MGST3: variants seen among roughly 807,000 people sequenced by gnomAD.
MGST3 encodes the protein microsomal glutathione S-transferase 3.
MGST3 carries 13 observed loss-of-function variants against 15.8 expected under a neutral mutation model. The ratio of observed to expected loss-of-function variants is 0.82; its 90% CI spans 0.54 to 1.31. The LOEUF (loss-of-function observed/expected upper bound fraction) is 1.31, where lower values mean the gene tolerates loss of function less well. Ranked by LOEUF, MGST3 falls within the 50% of genes most tolerant of loss-of-function variation. The pLI is 0.00. For missense variants in MGST3, 155 were observed against 192.4 expected (o/e 0.81, Z 1.15); for synonymous variants, 49 against 68.1 (o/e 0.72, Z 1.38).
rs1031389562 is a variant in MGST3 at position 165,655,499 on chromosome 1, C to G, written c.454C>G (p.His152Asp). Residue 152 changes from histidine to aspartate, a missense_variant, in exon 6 of 6, where the codon CAT (histidine) becomes GAT (aspartate). His to Asp is a moderately conservative substitution (Grantham distance 81). Coordinates refer to ENST00000367889, the MANE Select transcript of MGST3 (RefSeq NM_004528.4). ...CTTGGGCAGTGGACCCAAATGCTGC[C>G]ATTAAAGAATTATAGGGGTTTAAAA... Reference protein sequence around the residue: ...SGLGSGPKCCH With the variant: ...SGLGSGPKCCD The G allele has an allele frequency of 1.9e-6, 3 of 1,614,058 alleles. No homozygotes were observed. Among genetic ancestry groups the G allele is most frequent in the Non-Finnish European group, 2.5e-6 (3 of 1,179,998 alleles).
At chr1:165,644,578 CACTGTAT>C (rs1648344895) in intron 1 of MGST3, among the ~76,000 whole-genome samples, 1 of 152,174 alleles carries the variant, frequency 6.6e-6, no homozygotes, top group South Asian at 2.1e-4. Context: ...ACCTTACGTA[CACTGTAT>C]ACTTAGGCTA....
intron 1 of MGST3, chr1:165,637,256 A>G (rs747168230): frequency 1.6e-4 from 24 of 152,380 alleles, no homozygotes; most frequent in Non-Finnish European, 3.4e-4. Flanking sequence ...AATATCATAC[A>G]CAGAAGTAGG....
chr1:165,653,942 C>T, intron 4 of MGST3: 1 of 365,680 alleles, frequency 2.7e-6, no homozygotes, highest in Non-Finnish European at 5.2e-6. Flanking sequence ...TCTGGCCTGC[C>T]CTGAGACCGG....
At chr1:165,642,791 T>TA (rs1326856938) in intron 1 of MGST3, among the ~76,000 whole-genome samples, 1 of 152,210 alleles carries the variant, frequency 6.6e-6, no homozygotes, top group African/African-American at 2.4e-5. Flanking sequence ...AACTAGGAAA[T>TA]ATGAGAACCA....
chr1:165,655,443 C>G lies in MGST3; in HGVS notation c.398C>G (p.Ala133Gly), dbSNP rs1648681506. The G allele has an allele frequency of 1.9e-6, 3 of 1,614,164 alleles. No individual in the cohort carries two copies. The highest frequency in any genetic ancestry group is 1.3e-5 in the African/African-American group (1 of 75,030). ...LGLVGTTVCS[A>G]FQHLGWVKSG... is the part of the protein sequence containing the mutation. ...TTGGTGGGCACAACTGTGTGCTCTG[C>G]TTTCCAGCATCTTGGTTGGGTTAAA... The change falls in exon 6 of 6, where the codon GCT becomes GGT. Residue 133 changes from alanine (A) to glycine (G), a missense_variant. Physicochemically the swap from Ala to Gly is moderately conservative, Grantham distance 60. Transcript: ENST00000367889.
intron 1 of MGST3, among the ~76,000 whole-genome samples, chr1:165,639,926 A>G (rs1349190011): frequency 6.6e-6 from 1 of 152,228 alleles, no homozygotes; most frequent in East Asian, 1.9e-4. Flanking sequence ...TTCCATGAGA[A>G]GTTGGCTGGA....
rs9333370 is a variant in MGST3 at position 165,631,255 on chromosome 1, G to C, written c.-46G>C. 1 of 152,726 alleles carries C rather than the reference G, an allele frequency of 6.5e-6. No individual in the cohort carries two copies. Among genetic ancestry groups the C allele is most frequent in the Admixed American group, 6.5e-5 (1 of 15,292 alleles). The allele number at this position is 152,726 out of a possible 1,614,324, so 9.5% of individuals were successfully genotyped here. A position where few individuals can be genotyped will look rare whatever the true frequency, so the allele number is the denominator to read the frequency against. ...GGGCGCCGCACCCACACCGCGCTGC[G>C]CAGTTTTGTTCTGCTCCAGCTGTTC... On this transcript the variant is annotated 5_prime_UTR_variant, in exon 1 of 6. Coordinates refer to ENST00000367889, the MANE Select transcript of MGST3 (RefSeq NM_004528.4).
intron 1 of MGST3, among the ~76,000 whole-genome samples, chr1:165,633,606 AC>A (rs772270304): frequency 6.6e-5 from 10 of 152,100 alleles, no homozygotes; most frequent in Non-Finnish European, 7.3e-5. Context: ...AAAAGGTCGA[AC>A]CCCTGTTTCA....
Position 165,650,925 on chromosome 1 carries a change from T to C in MGST3, c.118-89T>C, listed in dbSNP as rs9333474. 1.2e-3 allele frequency: 1,304 copies of C among 1,100,924 alleles called. 9 individuals are homozygous for C. In the African/African-American group the frequency reaches 0.018, roughly 15 times the overall value. 68.2% of individuals were successfully genotyped at this position (1,100,924 alleles called of 1,614,324 possible). On this transcript the variant is annotated intron_variant, in intron 2 of 5. Coordinates refer to ENST00000367889, the MANE Select transcript of MGST3 (RefSeq NM_004528.4). ...ATCAAGGGTGTGAAAGAAGATACTT[T>C]GGAATATATTGTTTTTAAGGTTCAT...
At chr1:165,648,549 T>C (rs61800393) in intron 1 of MGST3, 1,743 of 152,336 alleles carry the variant, frequency 0.011, 26 homozygotes, top group Non-Finnish European at 0.02. Context: ...TCCCAGCTAC[T>C]TGGGAGGCTG....
intron 3 of MGST3, chr1:165,651,437 G>A: frequency 2.6e-6 from 1 of 383,956 alleles, no homozygotes; most frequent in East Asian, 6.0e-5. Context: ...TGACTCACCA[G>A]GACCTTCCAC....
chr1:165,655,360 T>C lies in MGST3; in HGVS notation c.323-8T>C. 1 of 1,613,870 alleles carries C rather than the reference T, an allele frequency of 6.2e-7. No individual in the cohort carries two copies. The highest frequency in any genetic ancestry group is 1.3e-5 in the African/African-American group (1 of 75,012). ...TCCTGGTAACTTCTGTTCTTTCTTCTTTTTCAGAACCCAGCAAGCGTAGTC... is the reference window on the plus strand; with the variant it reads ...TCCTGGTAACTTCTGTTCTTTCTTCCTTTTCAGAACCCAGCAAGCGTAGTC... On this transcript the variant is annotated splice_region_variant and splice_polypyrimidine_tract_variant and intron_variant, in intron 5 of 5. Transcript: ENST00000367889.
rs1293611693 is a variant in MGST3 at position 165,655,356 on chromosome 1, C to G, written c.323-12C>G. ...GCACTCCTGGTAACTTCTGTTCTTT[C>G]TTCTTTTTCAGAACCCAGCAAGCGT... is the stretch of plus-strand genomic sequence containing the variant. On this transcript the variant is annotated splice_polypyrimidine_tract_variant and intron_variant, in intron 5 of 5. Coordinates refer to ENST00000367889, the MANE Select transcript of MGST3 (RefSeq NM_004528.4). 6.2e-7 allele frequency: 1 copy of G among 1,613,566 alleles called. No homozygotes were observed. The highest frequency in any genetic ancestry group is 8.5e-7 in the Non-Finnish European group (1 of 1,179,738).
In MGST3 at chr1:165,649,980, A is replaced by G; in HGVS notation, c.117+16A>G. On this transcript the variant is annotated intron_variant, in intron 2 of 5. Coordinates refer to ENST00000367889, the MANE Select transcript of MGST3 (RefSeq NM_004528.4). Reference sequence around the variant, plus strand: ...CAAAGTGGAGGTAAGTGGGAACACAAGCTGGTGCCCTTGTAGGCTTGTCTG... The same window carrying G: ...CAAAGTGGAGGTAAGTGGGAACACAGGCTGGTGCCCTTGTAGGCTTGTCTG... The G allele has an allele frequency of 6.2e-7, 1 of 1,613,784 alleles. No homozygotes were observed. Among genetic ancestry groups the G allele is most frequent in the East Asian group, 2.2e-5 (1 of 44,884 alleles).
intron 5 of MGST3, 149 bp downstream of exon 5, chr1:165,654,500 G>T (rs1648653516): frequency 1.4e-6 from 1 of 739,870 alleles, no homozygotes; most frequent in South Asian, 1.4e-5. Context: ...ATACCAGCCT[G>T]GGCAACATGG....
At chr1:165,640,871 A>G (rs1648245184) in intron 1 of MGST3, among the ~76,000 whole-genome samples, 2 of 152,184 alleles carry the variant, frequency 1.3e-5, no homozygotes, top group African/African-American at 2.4e-5. Flanking sequence ...CCCAGTCTCT[A>G]TGCCATTGCC....
Position 165,649,153 on chromosome 1 carries a change from T to G in MGST3, c.-7-688T>G, listed in dbSNP as rs561765506. ...ATAGGCTCAGGAGCCATGCTCTGCT[T>G]TCAGAGTACTCAACCTGGGCCTTCC... On this transcript the variant is annotated intron_variant, in intron 1 of 5. Transcript: ENST00000367889. 6 of 153,102 alleles carry G rather than the reference T, an allele frequency of 3.9e-5. No individual in the cohort carries two copies. In the East Asian group the frequency reaches 1.2e-3, roughly 29 times the overall value. 9.5% of individuals were successfully genotyped at this position (153,102 alleles called of 1,614,324 possible). A position where few individuals can be genotyped will look rare whatever the true frequency, so the allele number is the denominator to read the frequency against.
At chr1:165,649,039 AAC>A (rs896798399) in intron 1 of MGST3, 32 of 152,462 alleles carry the variant, frequency 2.1e-4, no homozygotes, top group African/African-American at 7.0e-4. Context: ...CTGACGGCAG[AAC>A]ACACACCAGA....
At chr1:165,636,592 C>T (rs576452172) in intron 1 of MGST3, among the ~76,000 whole-genome samples, 3 of 152,072 alleles carry the variant, frequency 2.0e-5, no homozygotes, top group African/African-American at 4.8e-5. Context: ...AAAAATTAAC[C>T]GGGGCGTGGT....
Sources: allele counts gnomAD v4.1 joint callset (sites outside exome capture counted in the v4.1 genomes callset), GRCh38; gene constraint gnomAD v4.1.1; transcripts MANE v1.5; gene names NCBI Gene and HGNC (gene_info 2026-07-23, HGNC 2026-07-21).